The following ERLEC1 variants were observed in gnomAD, a reference collection of about 807,000 sequenced individuals.
ERLEC1 encodes the protein ER lectin.
ERLEC1 carries 47 observed loss-of-function variants against 68.0 expected under a neutral mutation model. The observed-to-expected ratio is 0.69, with a 90% confidence interval of 0.55 to 0.88. The LOEUF (loss-of-function observed/expected upper bound fraction) is 0.88. Among genes scored for constraint, ERLEC1 ranks in the 40% least tolerant of loss-of-function variants. ERLEC1 has a pLI of 0.00. For missense variants in ERLEC1, 567 were observed against 583.8 expected (o/e 0.97, Z 0.30); for synonymous variants, 225 against 203.2 (o/e 1.11, Z -0.91).
chr2:53,812,147 C>T (rs564761684), intron 10 of ERLEC1, among the ~76,000 whole-genome samples: 2 of 152,228 alleles, frequency 1.3e-5, no homozygotes, highest in Admixed American at 1.3e-4. Flanking sequence ...CTCCCGACCT[C>T]AGGTGATTTC....
In ERLEC1 at chr2:53,787,131, T is replaced by G; in HGVS notation, c.-80T>G. 3 of 613,320 alleles carry G rather than the reference T, an allele frequency of 4.9e-6. No individual in the cohort carries two copies. The highest frequency in any genetic ancestry group is 7.4e-6 in the Non-Finnish European group (3 of 407,768). 38.0% of individuals were successfully genotyped at this position (613,320 alleles called of 1,614,324 possible). ...GGCGCTTTATAGTCCCGCCGCCTCC[T>G]CCTCCACCTCCTCCTCCTCCTCCTC... is the stretch of plus-strand genomic sequence containing the variant. On this transcript the variant is annotated 5_prime_UTR_variant, in exon 1 of 14. Transcript: ENST00000185150.
intron 9 of ERLEC1, among the ~76,000 whole-genome samples, chr2:53,808,919 G>T (rs931012526): frequency 6.6e-6 from 1 of 152,062 alleles, no homozygotes; most frequent in African/African-American, 2.4e-5. Flanking sequence ...GTGAGCCACC[G>T]CACCTGGCCA....
chr2:53,802,650 C>G (rs138313530), intron 8 of ERLEC1, among the ~76,000 whole-genome samples: 1 of 152,200 alleles, frequency 6.6e-6, no homozygotes, highest in East Asian at 1.9e-4. Flanking sequence ...AATCATCACT[C>G]GTGTAATACA....
Position 53,814,859 on chromosome 2 carries a change from G to A in ERLEC1, c.1305-1G>A, listed in dbSNP as rs56091887. On this transcript the variant is annotated splice_acceptor_variant, in intron 12 of 13. Coordinates refer to ENST00000185150, the MANE Select transcript of ERLEC1 (RefSeq NM_015701.5). LOFTEE classifies it high-confidence loss of function. ...GTACCTTAAAGTGCTCTCTGTTTTA[G>A]GTGCAAAGAATCAGATTCACCTCAT... The A allele has an allele frequency of 6.2e-7, 1 of 1,603,260 alleles. No homozygotes were observed. Among genetic ancestry groups the A allele is most frequent in the African/African-American group, 1.3e-5 (1 of 74,556 alleles).
intron 10 of ERLEC1, among the ~76,000 whole-genome samples, chr2:53,812,450 A>C (rs1193341247): frequency 6.6e-6 from 1 of 152,228 alleles, no homozygotes; most frequent in Non-Finnish European, 1.5e-5. Context: ...TAAGTATGGT[A>C]CCAAATGAAT....
In ERLEC1 at chr2:53,787,390, C is replaced by T. The variant is rs776284976; in HGVS notation, c.162+18C>T. 1.6e-5 allele frequency: 26 copies of T among 1,596,502 alleles called. No individual in the cohort carries two copies. Among genetic ancestry groups the T allele is most frequent in the Non-Finnish European group, 2.1e-5 (25 of 1,170,858 alleles). ...TCTCTCTGGTCAGTGCCCTCACTAACCCCGCAGCCACCCCTCCTCCTGACA... is the reference window on the plus strand; with the variant it reads ...TCTCTCTGGTCAGTGCCCTCACTAATCCCGCAGCCACCCCTCCTCCTGACA... On this transcript the variant is annotated intron_variant, in intron 1 of 13. Transcript: ENST00000185150.
At chr2:53,814,661 T>C (rs1299862991) in intron 12 of ERLEC1, 41 bp downstream of exon 12, 1 of 1,452,582 alleles carries the variant, frequency 6.9e-7, no homozygotes, top group Admixed American at 1.7e-5. Flanking sequence ...CCTTTGTCTT[T>C]TAACTGCTTC....
At chr2:53,802,716 A>G (rs550836166) in intron 8 of ERLEC1, among the ~76,000 whole-genome samples, 3 of 152,234 alleles carry the variant, frequency 2.0e-5, no homozygotes, top group African/African-American at 7.2e-5. Flanking sequence ...CCTTCATCCC[A>G]GCTGTTTTGA....
At chr2:53,811,274 AT>A (rs762143833) in intron 10 of ERLEC1, among the ~76,000 whole-genome samples, 3 of 152,312 alleles carry the variant, frequency 2.0e-5, no homozygotes, top group Non-Finnish European at 4.4e-5. Flanking sequence ...TTGCTGTGAT[AT>A]GTTTTAGTGA....
chr2:53,787,619 C>G (rs1249803980), intron 1 of ERLEC1: 1 of 395,828 alleles, frequency 2.5e-6, no homozygotes, highest in African/African-American at 2.0e-5. Flanking sequence ...TTCTGTCGCA[C>G]TAGACCTTGC....
intron 13 of ERLEC1, among the ~76,000 whole-genome samples, chr2:53,816,001 C>CT: frequency 6.6e-6 from 1 of 151,642 alleles, no homozygotes; most frequent in East Asian, 1.9e-4. Flanking sequence ...TTCTTTCTTT[C>CT]TTTTTTTTAA....
Position 53,795,888 on chromosome 2 carries a change from A to T in ERLEC1, c.268-45A>T, listed in dbSNP as rs769418386. ...AATATCCAAACAGCAAAGTTGGGTG[A>T]AATTCTAGAAAAACTGTAAGTATTA... On this transcript the variant is annotated intron_variant, in intron 2 of 13. Coordinates refer to ENST00000185150, the MANE Select transcript of ERLEC1 (RefSeq NM_015701.5). 6.0e-6 allele frequency: 8 copies of T among 1,326,936 alleles called. 1 individual carries two copies. In the South Asian group the frequency reaches 1.0e-4, roughly 17 times the overall value. The allele number at this position is 1,326,936 out of a possible 1,614,324, so 82.2% of individuals were successfully genotyped here. A position where few individuals can be genotyped will look rare whatever the true frequency, so the allele number is the denominator to read the frequency against.
chr2:53,812,855 TA>T, intron 10 of ERLEC1, 93 bp from the exon 11 acceptor site: 1 of 1,344,026 alleles, frequency 7.4e-7, no homozygotes, highest in South Asian at 1.4e-5. Flanking sequence ...ACTGTGCAGA[TA>T]AAGACTAGCT....
At chr2:53,797,493 G>A in intron 3 of ERLEC1, 22 bp from the exon 4 acceptor site, 1 of 1,583,832 alleles carries the variant, frequency 6.3e-7, no homozygotes, top group Non-Finnish European at 8.6e-7. Context: ...TTTGTGCATT[G>A]AAATATATCC....
intron 12 of ERLEC1, 109 bp from the exon 13 acceptor site, chr2:53,814,746 AATTAT>A: frequency 1.0e-6 from 1 of 979,540 alleles, no homozygotes; most frequent in Non-Finnish European, 1.6e-6. Flanking sequence ...TTATTGATAA[AATTAT>A]ATTAAATCAT....
At chr2:53,792,164 G>A (rs935669649) in intron 1 of ERLEC1, among the ~76,000 whole-genome samples, 8 of 150,606 alleles carry the variant, frequency 5.3e-5, no homozygotes, top group East Asian at 1.9e-4. Flanking sequence ...TGATCCGCCC[G>A]TTTCGGCCTC....
Position 53,814,938 on chromosome 2 carries a change from A to C in ERLEC1, c.1380+3A>C. 1.3e-6 allele frequency: 2 copies of C among 1,534,784 alleles called. No individual in the cohort carries two copies. Among genetic ancestry groups the C allele is most frequent in the Non-Finnish European group, 1.8e-6 (2 of 1,123,092 alleles). On this transcript the variant is annotated splice_donor_region_variant and intron_variant, in intron 13 of 13. Coordinates refer to ENST00000185150, the MANE Select transcript of ERLEC1 (RefSeq NM_015701.5). ...ACTCCTGTCAATATATTCTTGGGGTAAGTTAAAAAGAAAATAATCAAAAAT... is the reference window on the plus strand; with the variant it reads ...ACTCCTGTCAATATATTCTTGGGGTCAGTTAAAAAGAAAATAATCAAAAAT...
chr2:53,804,049 C>T (rs1311030422), intron 8 of ERLEC1, among the ~76,000 whole-genome samples: 1 of 152,046 alleles, frequency 6.6e-6, no homozygotes, highest in Admixed American at 6.6e-5. Context: ...AAGAATGGCT[C>T]GAACCTGGGC....
Position 53,787,088 on chromosome 2 carries a change from T to C in ERLEC1, c.-123T>C, listed in dbSNP as rs1432626402. 3.1e-6 allele frequency: 4 copies of C among 1,304,642 alleles called. No homozygotes were observed. Among genetic ancestry groups the C allele is most frequent in the Non-Finnish European group, 4.0e-6 (4 of 995,174 alleles). 80.8% of individuals were successfully genotyped at this position (1,304,642 alleles called of 1,614,324 possible). On this transcript the variant is annotated 5_prime_UTR_variant, in exon 1 of 14. Coordinates refer to ENST00000185150, the MANE Select transcript of ERLEC1 (RefSeq NM_015701.5). ...TCTCCGGAAGGAGACGTGGCGGCGGTTGGGCCGGTGATACCCGGGCGCTTT... is the reference window on the plus strand; with the variant it reads ...TCTCCGGAAGGAGACGTGGCGGCGGCTGGGCCGGTGATACCCGGGCGCTTT...
Sources: gnomAD v4.1 joint callset for allele counts (sites outside exome capture counted in the v4.1 genomes callset) on GRCh38, gnomAD v4.1.1 for gene constraint, MANE v1.5 for transcripts, NCBI Gene and HGNC (gene_info 2026-07-23, HGNC 2026-07-21) for gene names.